The following DOCK2 variants were observed in gnomAD, a reference collection of about 807,000 sequenced individuals.
DOCK2 encodes dedicator of cytokinesis protein 2.
DOCK2 carries 87 observed loss-of-function variants against 248.9 expected under a neutral mutation model. That is an observed-to-expected ratio of 0.35 (90% CI 0.29 to 0.42). The LOEUF (loss-of-function observed/expected upper bound fraction) is 0.42, where lower values mean the gene tolerates loss of function less well. DOCK2 is among the 10% of genes least tolerant of loss of function. DOCK2 has a pLI of 1.00. For missense variants in DOCK2, 1,747 were observed against 2,300.2 expected, an observed-to-expected ratio of 0.76 and a Z score of 4.92; for synonymous variants, 805 against 821.6, an observed-to-expected ratio of 0.98 and a Z score of 0.35.
Position 169,684,311 on chromosome 5 carries a change from T to C in DOCK2, c.722T>C (p.Phe241Ser), listed in dbSNP as rs746960484. 1.2e-6 allele frequency: 2 copies of C among 1,614,198 alleles called. No individual in the cohort carries two copies. Among genetic ancestry groups the C allele is most frequent in the Admixed American group, 1.7e-5 (1 of 60,024 alleles). ...AGAATTGGGGAAGATGCTGAGCTCT[T>C]CATGTCTCTCTACGACCCCAACAAG... ...VCRIGEDAEL[F>S]MSLYDPNKQT... Residue 241 changes from phenylalanine (F) to serine (S), a missense_variant, in exon 8 of 52, where the codon TTC becomes TCC. Phe to Ser is a radical substitution (Grantham distance 155, BLOSUM62 -2). Around this residue, in one of 4 missense-constraint regions of DOCK2, gnomAD observed 375 missense variants for 510.9 expected, o/e 0.73. Transcript: ENST00000520908.
intron 6 of DOCK2, among the ~76,000 whole-genome samples, chr5:169,676,857 A>C (rs1406252323): frequency 6.6e-6 from 1 of 152,204 alleles, no homozygotes; most frequent in Admixed American, 6.5e-5. Context: ...CAGGGTACAG[A>C]CACATACACA....
At chr5:169,863,041 C>T (rs1311339516) in intron 27 of DOCK2, among the ~76,000 whole-genome samples, 1 of 152,208 alleles carries the variant, frequency 6.6e-6, no homozygotes, top group African/African-American at 2.4e-5. Flanking sequence ...CCCTCATCCA[C>T]AAGAGTATAT....
intron 27 of DOCK2, chr5:169,864,166 A>G: frequency 9.8e-7 from 1 of 1,021,708 alleles, no homozygotes; most frequent in South Asian, 1.5e-5. Flanking sequence ...CAAGGGGCTC[A>G]CAGCCCAGGG....
intron 27 of DOCK2, among the ~76,000 whole-genome samples, chr5:169,855,083 G>T (rs781150882): frequency 5.9e-5 from 9 of 152,196 alleles, no homozygotes; most frequent in Non-Finnish European, 1.2e-4. Context: ...TCCTACCTGT[G>T]TACTCTGACA....
In DOCK2 at chr5:170,050,357, C is replaced by A; in HGVS notation, c.4173C>A (p.Thr1391=). 6.2e-7 allele frequency: 1 copy of A among 1,614,174 alleles called. No individual in the cohort carries two copies. The highest frequency in any genetic ancestry group is 8.5e-7 in the Non-Finnish European group (1 of 1,180,026). ...QFPNAEKMNT[T]SAPGDDVKNA... ...CCAATGCAGAGAAGATGAACACCACCTCTGCCCCGGGAGATGATGTGAAGA... is the reference window on the plus strand; with the variant it reads ...CCAATGCAGAGAAGATGAACACCACATCTGCCCCGGGAGATGATGTGAAGA... The change falls in exon 41 of 52, where the codon ACC becomes ACA. Residue 1391 remains threonine, a synonymous_variant. Coordinates refer to ENST00000520908, the MANE Select transcript of DOCK2 (RefSeq NM_004946.3).
At chr5:169,708,568 C>T (rs370536788) in intron 15 of DOCK2, among the ~76,000 whole-genome samples, 6 of 144,270 alleles carry the variant, frequency 4.2e-5, no homozygotes, top group Non-Finnish European at 7.5e-5. Context: ...TAGCATTCTT[C>T]TTTTTTTTTT....
chr5:169,641,257 G>C (rs535332841), intron 1 of DOCK2, among the ~76,000 whole-genome samples: 15 of 152,196 alleles, frequency 9.9e-5, no homozygotes, highest in Non-Finnish European at 2.1e-4. Flanking sequence ...AGACTCCAAC[G>C]TCTCTTTTTT....
intron 22 of DOCK2, among the ~76,000 whole-genome samples, chr5:169,719,333 G>A (rs1762072030): frequency 6.6e-6 from 1 of 152,186 alleles, no homozygotes; most frequent in Admixed American, 6.5e-5. Flanking sequence ...GGAGAGGAAG[G>A]TATTCAAATG....
chr5:169,871,355 G>C lies in DOCK2; in HGVS notation c.2799+30503G>C, dbSNP rs140262424. The stretch of plus-strand genomic sequence containing the variant: ...AGAGTACCTGGGCCACATTAGATTA[G>C]GATACATGGTAATTTAAATGGGCAA... On this transcript the variant is annotated intron_variant, in intron 27 of 51. Coordinates refer to ENST00000520908, the MANE Select transcript of DOCK2 (RefSeq NM_004946.3). Among the ~76,000 whole-genome samples the C allele has an allele frequency of 2.5e-4, 38 of 152,234 alleles. No individual in the cohort carries two copies. The East Asian group carries it at 7.1e-3, about 29-fold the overall frequency.
intron 8 of DOCK2, 69 bp from the exon 9 acceptor site, chr5:169,689,183 G>T: frequency 6.7e-7 from 1 of 1,491,864 alleles, no homozygotes; most frequent in Non-Finnish European, 9.3e-7. Context: ...GTAGATGCTT[G>T]GTGAATGTTT....
intron 26 of DOCK2, among the ~76,000 whole-genome samples, chr5:169,814,797 G>A (rs905734471): frequency 6.6e-6 from 1 of 152,152 alleles, no homozygotes; most frequent in African/African-American, 2.4e-5. Context: ...TCTATGTGAA[G>A]GGAAATTACA....
intron 25 of DOCK2, among the ~76,000 whole-genome samples, chr5:169,779,747 C>T (rs1389244635): frequency 2.0e-5 from 3 of 151,938 alleles, no homozygotes; most frequent in Non-Finnish European, 4.4e-5. Context: ...TCTTCTGCTT[C>T]ACCCCATCCC....
In DOCK2 at chr5:169,985,927, G is replaced by A. The variant is rs532062763; in HGVS notation, c.2993+5G>A. On this transcript the variant is annotated splice_donor_5th_base_variant and intron_variant, in intron 29 of 51. Transcript: ENST00000520908. The stretch of plus-strand genomic sequence containing the variant: ...CATGAGCATGGTTCAAAACAGGTGA[G>A]CTGCTACCTGCTTCCGCAAAGCTAC... 4 of 1,600,562 alleles carry A rather than the reference G, an allele frequency of 2.5e-6. No individual in the cohort carries two copies. In the South Asian group the frequency reaches 3.4e-5, roughly 14 times the overall value.
intron 22 of DOCK2, among the ~76,000 whole-genome samples, chr5:169,737,548 T>A (rs757616228): frequency 2.6e-5 from 4 of 152,162 alleles, no homozygotes; most frequent in African/African-American, 2.4e-5. Context: ...CTTAGGTAGT[T>A]TCAGGATGAG....
At chr5:169,801,146 GTTTTTTTTTTTTTTTTTTTT>G (rs60574755) in intron 25 of DOCK2, among the ~76,000 whole-genome samples, 16 of 76,052 alleles carry the variant, frequency 2.1e-4, no homozygotes, top group Non-Finnish European at 3.3e-4. Context: ...ATAGTTTTGG[GTTTTTTTTTTTTTTTTTTTT>G]TTTTTTTTTT....
At position 169,985,868 on chromosome 5, in the gene DOCK2, T is replaced by C. The variant is rs148694888; in HGVS notation, c.2939T>C (p.Ile980Thr). ...METFIMFKDL[I>T]GKNVYPGDWM... is the part of the protein sequence containing the mutation. ...ACCTTCATCATGTTCAAGGACCTCA[T>C]TGGAAAGAACGTGTACCCTGGAGAC... Residue 980 changes from isoleucine to threonine, a missense_variant, in exon 29 of 52, where the codon ATT becomes ACT. Transcript: ENST00000520908. 8.0e-4 allele frequency: 1,285 copies of C among 1,610,866 alleles called. 5 individuals carry two copies. Among genetic ancestry groups the C allele is most frequent in the South Asian group, 3.3e-3 (299 of 90,568 alleles).
chr5:169,667,993 T>C (rs1294815836), intron 2 of DOCK2, among the ~76,000 whole-genome samples: 2 of 152,228 alleles, frequency 1.3e-5, no homozygotes, highest in African/African-American at 4.8e-5. Context: ...GAAATATTAA[T>C]ATTAGGTAAC....
chr5:169,860,738 C>G (rs953512981), intron 27 of DOCK2, among the ~76,000 whole-genome samples: 3 of 152,188 alleles, frequency 2.0e-5, no homozygotes, highest in African/African-American at 7.2e-5. Context: ...TCAATTCTCT[C>G]TCAAACATCC....
chr5:169,867,162 C>T (rs1771616875), intron 27 of DOCK2, among the ~76,000 whole-genome samples: 1 of 152,230 alleles, frequency 6.6e-6, no homozygotes, highest in Non-Finnish European at 1.5e-5. Context: ...TGTGTGGGGG[C>T]TTCAGCCCCT....
Sources: allele counts gnomAD v4.1 joint callset (sites outside exome capture counted in the v4.1 genomes callset), GRCh38; gene constraint gnomAD v4.1.1; regional missense constraint gnomAD v4.1.1; transcripts MANE v1.5; gene names NCBI Gene and HGNC (gene_info 2026-07-23, HGNC 2026-07-21).